Variants in KLF13 observed in about 807,000 individuals in gnomAD.
KLF13 encodes Krueppel-like factor 13.
In KLF13, 8 loss-of-function variants were observed where a neutral mutation model predicts 16.7. The observed-to-expected ratio is 0.48, with a 90% CI of 0.28 to 0.87. KLF13 has a LOEUF of 0.87. Among genes scored for constraint, KLF13 ranks in the 40% least tolerant of loss-of-function variants. The pLI is 0.10. For synonymous variants in KLF13, 245 were observed against 208.4 expected, an observed-to-expected ratio of 1.18 and a Z score of -1.51; for missense variants, 447 against 452.2, an observed-to-expected ratio of 0.99 and a Z score of 0.10.
intron 1 of KLF13, among the ~76,000 whole-genome samples, chr15:31,414,665 G>GA (rs2040235111): frequency 6.6e-6 from 1 of 152,072 alleles, no homozygotes; most frequent in Admixed American, 6.6e-5. Context: ...AACCCATCAG[G>GA]AAAATATACC....
rs1439251548 is a variant in KLF13 at position 31,374,861 on chromosome 15, T to A, written c.*2562T>A. The A allele has an allele frequency of 8.2e-5, 5 of 60,962 alleles. No homozygotes were observed. The East Asian group carries it at 1.6e-3, about 20-fold the overall frequency. 3.8% of individuals were successfully genotyped at this position (60,962 alleles called of 1,614,324 possible). A position where few individuals can be genotyped will look rare whatever the true frequency, so the allele number is the denominator to read the frequency against. ...GTTTGTTTTAGAGCAGGGCGGGGGG[T>A]GGGGGAGGGAAGCGGGTGTTGGCTG... is the stretch of plus-strand genomic sequence containing the variant. On this transcript the variant is annotated 3_prime_UTR_variant, in exon 2 of 2. Transcript: ENST00000307145.
Position 31,365,889 on chromosome 15 carries a change from C to G in KLF13, c.578-6121C>G, listed in dbSNP as rs189795574. 3.1e-3 allele frequency among the ~76,000 whole-genome samples: 470 copies of G among 152,280 alleles called. 9 individuals carry two copies. The highest frequency in any genetic ancestry group is 7.1e-4 in the Non-Finnish European group (48 of 68,006). On this transcript the variant is annotated intron_variant, in intron 1 of 1. Transcript: ENST00000307145. ...TGAAGGAGAGAGAGCCCCTGCGCCC[C>G]CCTTCCGGCTGGCTCTCTGAGAGAA...
chr15:31,371,359 C>T (rs2039552111), intron 1 of KLF13, among the ~76,000 whole-genome samples: 1 of 152,252 alleles, frequency 6.6e-6, no homozygotes, highest in Non-Finnish European at 1.5e-5. Flanking sequence ...TGTCTGTCAC[C>T]ACACTTGGGT....
intron 1 of KLF13, among the ~76,000 whole-genome samples, chr15:31,422,132 C>T: frequency 1.3e-5 from 1 of 77,830 alleles, no homozygotes; most frequent in Non-Finnish European, 2.6e-5. Context: ...AACAAACAAA[C>T]AAAAAAAAAA....
At chr15:31,425,456 C>T (rs1448536904) in intron 1 of KLF13, among the ~76,000 whole-genome samples, 1 of 152,106 alleles carries the variant, frequency 6.6e-6, no homozygotes, top group Non-Finnish European at 1.5e-5. Flanking sequence ...TAAGAGAGAT[C>T]CCAGAAATAA....
intron 1 of KLF13, chr15:31,420,436 C>G: frequency 1.1e-6 from 1 of 950,068 alleles, no homozygotes; most frequent in Non-Finnish European, 1.7e-6. Context: ...CATCCTGCTA[C>G]CACCCCAACA....
chr15:31,435,235 C>T (rs2040516034), intron 1 of KLF13: 2 of 152,224 alleles, frequency 1.3e-5, no homozygotes, highest in African/African-American at 4.8e-5. Flanking sequence ...ACAGCTCGGG[C>T]TTTCTCTTCA....
chr15:31,395,680 G>C (rs893206448), intron 2 of KLF13, among the ~76,000 whole-genome samples: 1 of 152,186 alleles, frequency 6.6e-6, no homozygotes, highest in African/African-American at 2.4e-5. Flanking sequence ...CATAGCCATC[G>C]TCACGGATGT....
chr15:31,428,820 A>AAAAAAGAAAAAAAAAAG (rs2040433190), intron 1 of KLF13, among the ~76,000 whole-genome samples: 1 of 72,650 alleles, frequency 1.4e-5, no homozygotes, highest in Non-Finnish European at 2.3e-5. Flanking sequence ...AAAAAAAAAA[A>AAAAAAGAAAAAAAAAAG]AAAAAGAAAA....
chr15:31,392,835 CCGCCCG>C (rs1422719919), upstream of KLF13: 10 of 120,492 alleles, frequency 8.3e-5, no homozygotes, highest in Admixed American at 4.0e-4. Flanking sequence ...GCCCCCGCCC[CCGCCCG>C]CGACGCTTCC....
chr15:31,370,642 C>A (rs1296082330), intron 1 of KLF13, among the ~76,000 whole-genome samples: 5 of 152,092 alleles, frequency 3.3e-5, no homozygotes, highest in Admixed American at 6.5e-5. Flanking sequence ...TGGTCTCAAA[C>A]CCCTGATCTC....
At position 31,376,824 on chromosome 15, in the gene KLF13, T is replaced by G. The variant is rs2039654125; in HGVS notation, c.*4525T>G. 6.6e-6 allele frequency: 1 copy of G among 152,670 alleles called. No individual in the cohort carries two copies. Among genetic ancestry groups the G allele is most frequent in the Non-Finnish European group, 1.5e-5 (1 of 68,046 alleles). The allele number at this position is 152,670 out of a possible 1,614,324, so 9.5% of individuals were successfully genotyped here. ...GTTTCTACTGACCCCCATGAAGATT[T>G]CAGACTTGCAGTGCGGCCACCTGGC... On this transcript the variant is annotated 3_prime_UTR_variant, in exon 2 of 2. Transcript: ENST00000307145.
intron 1 of KLF13, among the ~76,000 whole-genome samples, chr15:31,337,223 A>G (rs1192847210): frequency 6.6e-6 from 1 of 152,118 alleles, no homozygotes; most frequent in Admixed American, 6.5e-5. Context: ...CCTCCATCCC[A>G]TCGCTGAGGT....
downstream of KLF13, among the ~76,000 whole-genome samples, chr15:31,379,684 C>T (rs772724360): frequency 2.0e-4 from 31 of 152,310 alleles, no homozygotes; most frequent in Middle Eastern, 3.4e-3. Context: ...TTTCTTCTCA[C>T]GCTTTCTTTT....
At chr15:31,402,724 ACACT>A (rs2040055397) in intron 2 of KLF13, among the ~76,000 whole-genome samples, 1 of 152,150 alleles carries the variant, frequency 6.6e-6, no homozygotes, top group Non-Finnish European at 1.5e-5. Flanking sequence ...TTATCACCAG[ACACT>A]CAGTTCTGCG....
downstream of KLF13, among the ~76,000 whole-genome samples, chr15:31,408,657 C>T (rs1375543036): frequency 6.6e-6 from 1 of 152,140 alleles, no homozygotes; most frequent in Non-Finnish European, 1.5e-5. Flanking sequence ...TCTGTCACTA[C>T]TGTTAAATGT....
intron 1 of KLF13, among the ~76,000 whole-genome samples, chr15:31,362,694 C>A (rs182790629): frequency 1.3e-5 from 2 of 152,306 alleles, no homozygotes; most frequent in Non-Finnish European, 2.9e-5. Context: ...AGGGAAAATT[C>A]TGTCAACCTT....
At chr15:31,435,140 T>C (rs1442833734) in intron 1 of KLF13, among the ~76,000 whole-genome samples, 1 of 152,144 alleles carries the variant, frequency 6.6e-6, no homozygotes, top group Non-Finnish European at 1.5e-5. Flanking sequence ...TTAAGTTTTG[T>C]CTATGTTTTG....
chr15:31,428,145 A>G (rs921127203), intron 1 of KLF13, among the ~76,000 whole-genome samples: 2 of 152,234 alleles, frequency 1.3e-5, no homozygotes, highest in African/African-American at 4.8e-5. Context: ...TTCTACTTAT[A>G]TAGGGGTATC....
Sources: allele counts gnomAD v4.1 joint callset (sites outside exome capture counted in the v4.1 genomes callset), GRCh38; gene constraint gnomAD v4.1.1; transcripts MANE v1.5; gene names NCBI Gene and HGNC (gene_info 2026-07-23, HGNC 2026-07-21).